The following TM9SF2 variants were observed in gnomAD, a reference collection of about 807,000 sequenced individuals.
TM9SF2 encodes transmembrane 9 superfamily member 2, also known as 76 kDa membrane protein.
A neutral mutation model predicts 84.9 loss-of-function variants in TM9SF2; 13 were observed. The observed-to-expected ratio is 0.15, with a 90% CI of 0.10 to 0.24. The LOEUF (loss-of-function observed/expected upper bound fraction) is 0.24. Ranked by LOEUF, TM9SF2 falls within the 10% of genes least tolerant of loss-of-function variation. TM9SF2 has a pLI of 1.00. For missense variants in TM9SF2, 562 were observed against 818.5 expected (o/e 0.69, Z 3.82); for synonymous variants, 273 against 285.8 (o/e 0.96, Z 0.45).
intron 12 of TM9SF2, among the ~76,000 whole-genome samples, chr13:99,549,546 G>T (rs934460557): frequency 1.3e-5 from 2 of 152,106 alleles, no homozygotes; most frequent in Admixed American, 1.3e-4. Flanking sequence ...GCACAGGAAG[G>T]AATCCTGAAG....
chr13:99,541,832 C>A (rs950996777), intron 9 of TM9SF2, 165 bp downstream of exon 9: 2 of 485,972 alleles, frequency 4.1e-6, no homozygotes, highest in African/African-American at 2.0e-5. Context: ...TTCACATTTT[C>A]AAATAAGAAA....
chr13:99,530,330 A>G (rs964261066), intron 4 of TM9SF2, among the ~76,000 whole-genome samples: 2 of 152,264 alleles, frequency 1.3e-5, no homozygotes, highest in African/African-American at 2.4e-5. Flanking sequence ...AGGCTGAGGC[A>G]GGAGAATGGC....
At chr13:99,506,776 C>T (rs1182004450) in intron 1 of TM9SF2, among the ~76,000 whole-genome samples, 1 of 152,228 alleles carries the variant, frequency 6.6e-6, no homozygotes, top group Admixed American at 6.5e-5. Flanking sequence ...CACAGACACA[C>T]ATCGGCACTA....
intron 1 of TM9SF2, among the ~76,000 whole-genome samples, chr13:99,513,815 A>C (rs2139073930): frequency 6.6e-6 from 1 of 152,330 alleles, no homozygotes; most frequent in Admixed American, 6.5e-5. Context: ...CGTAAGTGAA[A>C]GTTTTATTGG....
At chr13:99,504,865 A>G (rs962536278) in intron 1 of TM9SF2, among the ~76,000 whole-genome samples, 1 of 152,124 alleles carries the variant, frequency 6.6e-6, no homozygotes, top group African/African-American at 2.4e-5. Context: ...GTTCCTGTAC[A>G]ATCTGTGGTT....
intron 1 of TM9SF2, among the ~76,000 whole-genome samples, chr13:99,506,319 A>G (rs2046088520): frequency 6.6e-6 from 1 of 152,240 alleles, no homozygotes; most frequent in African/African-American, 2.4e-5. Context: ...TTATTGGTAT[A>G]GTGATAAATA....
chr13:99,519,995 GT>G (rs1367464779), intron 2 of TM9SF2, 40 bp from the exon 3 acceptor site: 1 of 1,578,324 alleles, frequency 6.3e-7, no homozygotes, highest in African/African-American at 1.4e-5. Flanking sequence ...ATATTTCATC[GT>G]TCCCTTTTAT....
At chr13:99,519,903 T>A (rs1217364615) in intron 2 of TM9SF2, 133 bp from the exon 3 acceptor site, 2 of 637,462 alleles carry the variant, frequency 3.1e-6, no homozygotes, top group Non-Finnish European at 5.3e-6. Context: ...GGACTTGGAG[T>A]ATGGATAGAT....
chr13:99,541,556 C>A lies in TM9SF2; in HGVS notation c.909-3C>A. The A allele has an allele frequency of 6.2e-7, 1 of 1,603,652 alleles. No homozygotes were observed. The stretch of plus-strand genomic sequence containing the variant: ...ATTACTCATGATGTGCTTATTTCTA[C>A]AGCATTATGAATTCCCTGGTCATTG... On this transcript the variant is annotated splice_region_variant and splice_polypyrimidine_tract_variant and intron_variant, in intron 8 of 16. Transcript: ENST00000376387.
chr13:99,505,652 A>G (rs60032987), intron 1 of TM9SF2, among the ~76,000 whole-genome samples: 3,780 of 152,334 alleles, frequency 0.025, 164 homozygotes, highest in African/African-American at 0.086. Context: ...AGTAGAATAA[A>G]GCCCTGATTA....
intron 1 of TM9SF2, among the ~76,000 whole-genome samples, chr13:99,502,902 A>C (rs1389116147): frequency 1.3e-5 from 2 of 152,298 alleles, no homozygotes; most frequent in South Asian, 2.1e-4. Flanking sequence ...ATAAGCTTTA[A>C]ATTTTTCATA....
intron 1 of TM9SF2, among the ~76,000 whole-genome samples, chr13:99,514,517 T>G (rs1053790912): frequency 6.6e-6 from 1 of 152,346 alleles, no homozygotes; most frequent in South Asian, 2.1e-4. Context: ...GGCTACACCA[T>G]CTAGATTTGT....
chr13:99,554,894 A>G (rs964815618), intron 14 of TM9SF2, among the ~76,000 whole-genome samples: 2 of 152,174 alleles, frequency 1.3e-5, no homozygotes, highest in Non-Finnish European at 2.9e-5. Context: ...GGATTGGTGA[A>G]GGGATTGGTC....
intron 4 of TM9SF2, among the ~76,000 whole-genome samples, chr13:99,533,355 A>G (rs920632331): frequency 3.9e-5 from 6 of 152,204 alleles, no homozygotes; most frequent in Admixed American, 3.3e-4. Context: ...TTCTATATTT[A>G]CTATGCATAT....
chr13:99,551,497 TC>T (rs2046305424), intron 12 of TM9SF2, among the ~76,000 whole-genome samples: 1 of 152,226 alleles, frequency 6.6e-6, no homozygotes. Flanking sequence ...AAGAGCATCT[TC>T]ATGGTCCCAG....
chr13:99,541,407 A>G (rs2046259100), intron 8 of TM9SF2, 152 bp from the exon 9 acceptor site: 1 of 557,296 alleles, frequency 1.8e-6, no homozygotes, highest in Non-Finnish European at 3.2e-6. Context: ...ACATGAAAGA[A>G]CACAGTTCAT....
chr13:99,513,997 A>G (rs1442548886), intron 1 of TM9SF2, among the ~76,000 whole-genome samples: 1 of 152,198 alleles, frequency 6.6e-6, no homozygotes, highest in Non-Finnish European at 1.5e-5. Context: ...TTTCCAGGAA[A>G]AGAAAAGATT....
chr13:99,546,162 GCGTGCTTGCTCACATA>G (rs1403150102), intron 10 of TM9SF2, among the ~76,000 whole-genome samples: 2 of 152,062 alleles, frequency 1.3e-5, no homozygotes, highest in Admixed American at 1.3e-4. Context: ...AGGTGTGTGC[GCGTGCTTGCTCACATA>G]CGTGCTTGGT....
At position 99,501,592 on chromosome 13, in the gene TM9SF2, C is replaced by G; in HGVS notation, c.-15C>G. On this transcript the variant is annotated 5_prime_UTR_variant, in exon 1 of 17. Transcript: ENST00000376387. ...ACCCCCTAGGTTTGATTGCCCTTTC[C>G]CCGAAACAACTATCATGAGCGCGAG... 2 of 1,610,222 alleles carry G rather than the reference C, an allele frequency of 1.2e-6. No individual in the cohort carries two copies. The highest frequency in any genetic ancestry group is 1.7e-6 in the Non-Finnish European group (2 of 1,178,432).
Sources: gnomAD v4.1 joint callset for allele counts (sites outside exome capture counted in the v4.1 genomes callset) on GRCh38, gnomAD v4.1.1 for gene constraint, MANE v1.5 for transcripts, NCBI Gene and HGNC (gene_info 2026-07-23, HGNC 2026-07-21) for gene names.